CSMD1: variants seen among roughly 807,000 people sequenced by gnomAD.
CSMD1 encodes CUB and sushi domain-containing protein 1.
In CSMD1, 213 loss-of-function variants were observed where a neutral mutation model predicts 417.5. The ratio of observed to expected loss-of-function variants is 0.51; its 90% CI spans 0.46 to 0.57. The LOEUF (loss-of-function observed/expected upper bound fraction) is 0.57. Ranked by LOEUF, CSMD1 falls within the 20% of genes least tolerant of loss-of-function variation. CSMD1 has a pLI of 0.00. For synonymous variants in CSMD1, 2,862 were observed against 1,736.8 expected (o/e 1.65, Z -16.11); for missense variants, 6,923 against 4,529.7 (o/e 1.53, Z -15.17).
chr8:4,037,911 G>C (rs927548949), intron 3 of CSMD1, among the ~76,000 whole-genome samples: 1 of 152,170 alleles, frequency 6.6e-6, no homozygotes, highest in East Asian at 1.9e-4. Flanking sequence ...CATAAGCTTA[G>C]TGGGAATAGG....
intron 37 of CSMD1, among the ~76,000 whole-genome samples, chr8:3,176,517 G>C (rs1002927482): frequency 1.3e-5 from 2 of 152,022 alleles, no homozygotes; most frequent in Non-Finnish European, 2.9e-5. Context: ...AAACCCCTAA[G>C]ACCCTTAAAA....
At chr8:4,060,001 T>G (rs1177749490) in intron 3 of CSMD1, among the ~76,000 whole-genome samples, 2 of 152,032 alleles carry the variant, frequency 1.3e-5, no homozygotes, top group African/African-American at 4.8e-5. Flanking sequence ...AAAAGAGAAT[T>G]TTAGACCAAT....
At chr8:3,868,422 TG>T (rs1250766949) in intron 5 of CSMD1, among the ~76,000 whole-genome samples, 2 of 152,228 alleles carry the variant, frequency 1.3e-5, no homozygotes, top group African/African-American at 2.4e-5. Context: ...CAAGGGCAGC[TG>T]GGGGGCAGCT....
intron 2 of CSMD1, among the ~76,000 whole-genome samples, chr8:4,516,543 G>C (rs1013904167): frequency 6.6e-6 from 1 of 152,046 alleles, no homozygotes; most frequent in Admixed American, 6.6e-5. Context: ...TCCCCTGCTT[G>C]GTGTGGCCCC....
chr8:3,356,156 T>C (rs1808774068), intron 21 of CSMD1, among the ~76,000 whole-genome samples: 2 of 152,224 alleles, frequency 1.3e-5, no homozygotes, highest in African/African-American at 4.8e-5. Context: ...TCCTTAGGTG[T>C]CACCTGCAAC....
Position 3,197,656 on chromosome 8 carries a change from G to T in CSMD1, c.5194+2058C>A, listed in dbSNP as rs1488916950. On this transcript the variant is annotated intron_variant, in intron 33 of 69. Coordinates refer to ENST00000635120, the MANE Select transcript of CSMD1 (RefSeq NM_033225.6). ...AATTTTTGTATTTTTAGTAGAGACG[G>T]GGTTTCACCATGTTAGCCAGGATGG... is the stretch of plus-strand genomic sequence containing the variant. Among the ~76,000 whole-genome samples, 4 of 151,720 alleles carry T rather than the reference G, an allele frequency of 2.6e-5. No individual in the cohort carries two copies. The East Asian group carries it at 7.8e-4, about 29-fold the overall frequency.
intron 1 of CSMD1, among the ~76,000 whole-genome samples, chr8:4,888,504 T>TGAGAGA (rs147909163): frequency 6.9e-6 from 1 of 145,234 alleles, no homozygotes; most frequent in African/African-American, 2.5e-5. Flanking sequence ...GACTGATAGA[T>TGAGAGA]GAGAGAGAGA....
intron 1 of CSMD1, among the ~76,000 whole-genome samples, chr8:4,966,933 T>G (rs1353623959): frequency 6.6e-6 from 1 of 152,212 alleles, no homozygotes; most frequent in African/African-American, 2.4e-5. Flanking sequence ...CAATCCAGTG[T>G]TGCAAATTCC....
intron 52 of CSMD1, among the ~76,000 whole-genome samples, chr8:3,008,047 A>C (rs927614347): frequency 1.3e-5 from 2 of 152,226 alleles, no homozygotes; most frequent in Non-Finnish European, 2.9e-5. Context: ...CTTTCTCTAA[A>C]ATTGGATTTG....
At chr8:3,767,279 A>G (rs1020877383) in intron 5 of CSMD1, among the ~76,000 whole-genome samples, 2 of 152,136 alleles carry the variant, frequency 1.3e-5, no homozygotes, top group Non-Finnish European at 2.9e-5. Flanking sequence ...TTTCTCCCCG[A>G]CCTGCACACT....
intron 5 of CSMD1, among the ~76,000 whole-genome samples, chr8:3,960,903 T>G (rs1204716031): frequency 6.6e-6 from 1 of 151,984 alleles, no homozygotes; most frequent in Non-Finnish European, 1.5e-5. Flanking sequence ...ATCACAAAAG[T>G]CCTCTAGACT....
At chr8:4,659,104 TA>T (rs1804423579) in intron 1 of CSMD1, among the ~76,000 whole-genome samples, 1 of 151,888 alleles carries the variant, frequency 6.6e-6, no homozygotes, top group African/African-American at 2.4e-5. Flanking sequence ...AATAACCGAT[TA>T]AAAATGTAAG....
At chr8:4,182,838 ATTAT>A (rs1798453536) in intron 3 of CSMD1, among the ~76,000 whole-genome samples, 1 of 152,214 alleles carries the variant, frequency 6.6e-6, no homozygotes, top group Non-Finnish European at 1.5e-5. Flanking sequence ...GGTCATTCTA[ATTAT>A]TGAGACAGAA....
intron 1 of CSMD1, among the ~76,000 whole-genome samples, chr8:4,707,542 T>C (rs1808018236): frequency 6.6e-6 from 1 of 152,072 alleles, no homozygotes; most frequent in Non-Finnish European, 1.5e-5. Context: ...AGGCCGCTTG[T>C]AGAACAGATG....
At chr8:4,906,168 G>C (rs555764917) in intron 1 of CSMD1, among the ~76,000 whole-genome samples, 1 of 152,272 alleles carries the variant, frequency 6.6e-6, no homozygotes, top group East Asian at 1.9e-4. Context: ...GAAGTTTCCT[G>C]TGAGAACCCT....
At chr8:3,469,429 C>G (rs538598020) in intron 11 of CSMD1, among the ~76,000 whole-genome samples, 9 of 152,116 alleles carry the variant, frequency 5.9e-5, no homozygotes, top group Non-Finnish European at 1.3e-4. Flanking sequence ...ATTGAACACT[C>G]CCCCCGCATA....
At chr8:4,552,871 CTCT>C (rs1260384215) in intron 2 of CSMD1, among the ~76,000 whole-genome samples, 3 of 152,132 alleles carry the variant, frequency 2.0e-5, no homozygotes, top group Non-Finnish European at 4.4e-5. Flanking sequence ...AGCTGAGAAG[CTCT>C]TCTTTTAAAC....
At chr8:3,094,624 G>C (rs944561695) in intron 47 of CSMD1, among the ~76,000 whole-genome samples, 1 of 152,056 alleles carries the variant, frequency 6.6e-6, no homozygotes, top group Non-Finnish European at 1.5e-5. Context: ...TTTTAATTTT[G>C]ACAGTCTTCT....
intron 3 of CSMD1, among the ~76,000 whole-genome samples, chr8:4,121,796 T>C (rs1802502052): frequency 6.6e-6 from 1 of 152,084 alleles, no homozygotes; most frequent in African/African-American, 2.4e-5. Flanking sequence ...ACATCACTTA[T>C]TTTCTAATTG....
Sources: allele counts gnomAD v4.1 joint callset (sites outside exome capture counted in the v4.1 genomes callset), GRCh38; gene constraint gnomAD v4.1.1; transcripts MANE v1.5; gene names NCBI Gene and HGNC (gene_info 2026-07-23, HGNC 2026-07-21).